CDH15: variants seen among roughly 807,000 people sequenced by gnomAD.
The protein encoded by CDH15 is cadherin 15.
A neutral mutation model predicts 69.4 loss-of-function variants in CDH15; 73 were observed. The ratio of observed to expected loss-of-function variants is 1.05; its 90% confidence interval spans 0.87 to 1.28. The LOEUF (loss-of-function observed/expected upper bound fraction) is 1.28, where lower values mean the gene tolerates loss of function less well. Ranked by LOEUF, CDH15 falls within the 50% of genes most tolerant of loss-of-function variation. The pLI is 0.00. For missense variants in CDH15, 1,343 were observed against 1,133.6 expected (o/e 1.18, Z -2.65); for synonymous variants, 624 against 507.7 (o/e 1.23, Z -3.08).
chr16:89,191,183 G>A, intron 8 of CDH15, 147 bp from the exon 9 acceptor site: 1 of 864,768 alleles, frequency 1.2e-6, no homozygotes. Context: ...GTGTGTGCGT[G>A]TGTATATGTT....
chr16:89,176,616 G>GA (rs1915261776), intron 1 of CDH15, among the ~76,000 whole-genome samples: 1 of 149,556 alleles, frequency 6.7e-6, no homozygotes, highest in Non-Finnish European at 1.5e-5. Flanking sequence ...GTAGGCACAG[G>GA]ACTTGGTGCC....
Position 89,191,638 on chromosome 16 carries a change from G to A in CDH15, c.1376-17G>A, listed in dbSNP as rs1330797153. On this transcript the variant is annotated splice_polypyrimidine_tract_variant and intron_variant, in intron 9 of 13. Coordinates refer to ENST00000289746, the MANE Select transcript of CDH15 (RefSeq NM_004933.3). ...TGGGGTGTTGGGGTCACTAAGCCGCGGCCTCCTCGCCTGCAGCCTCCCAGC... is the reference window on the plus strand; with the variant it reads ...TGGGGTGTTGGGGTCACTAAGCCGCAGCCTCCTCGCCTGCAGCCTCCCAGC... 1.7e-5 allele frequency: 26 copies of A among 1,574,390 alleles called. No individual in the cohort carries two copies. In the African/African-American group the frequency reaches 2.2e-4, roughly 13 times the overall value.
chr16:89,185,480 T>A, intron 5 of CDH15, 147 bp downstream of exon 5: 1 of 937,444 alleles, frequency 1.1e-6, no homozygotes. Context: ...CCTGAGGAGA[T>A]GGCATGGGGT....
In CDH15 at chr16:89,193,565, G is replaced by C; in HGVS notation, c.1951G>C (p.Val651Leu). The C allele has an allele frequency of 1.2e-6, 2 of 1,610,260 alleles. No homozygotes were observed. The highest frequency in any genetic ancestry group is 4.5e-5 in the East Asian group (2 of 44,744). Residue 651 changes from valine (V) to leucine (L), a missense_variant, in exon 12 of 14, where the codon GTC becomes CTC. By Grantham distance (32) the Val-to-Leu change is conservative. Coordinates refer to ENST00000289746, the MANE Select transcript of CDH15 (RefSeq NM_004933.3). ...CCCCCAGGACGACCTTCGAGACAAT[G>C]TCCTCAACTACGATGAGCAAGGAGG... is the stretch of plus-strand genomic sequence containing the variant. ...HGPQDDLRDN[V>L]LNYDEQGGGE...
Position 89,190,280 on chromosome 16 carries a change from A to C in CDH15, c.1016A>C (p.Lys339Thr). 1 of 1,612,762 alleles carries C rather than the reference A, an allele frequency of 6.2e-7. No individual in the cohort carries two copies. The highest frequency in any genetic ancestry group is 8.5e-7 in the Non-Finnish European group (1 of 1,179,910). The change falls in exon 8 of 14, where the codon AAA becomes ACA. Residue 339 changes from lysine to threonine, a missense_variant. Transcript: ENST00000289746. ...DYESCEHYELKVSVQNEAPLQ... is the reference protein window; with the variant it reads ...DYESCEHYELTVSVQNEAPLQ... The stretch of plus-strand genomic sequence containing the variant: ...GAGAGCTGTGAACACTACGAACTCA[A>C]AGTGTCGGTGCAGAATGAGGCCCCG...
At position 89,183,602 on chromosome 16, in the gene CDH15, C is replaced by G; in HGVS notation, c.412C>G (p.Leu138Val). ...GGSTLEDPTD[L>V]EIVVVDQNDN... ...ATCCACCCTGGAGGACCCCACGGAC[C>G]TGGAGATTGTAGTTGTGGATCAGAA... is the stretch of plus-strand genomic sequence containing the variant. The change falls in exon 4 of 14, where the codon CTG becomes GTG. Residue 138 changes from leucine to valine, a missense_variant. Physicochemically the swap from Leu to Val is conservative, Grantham distance 32. Transcript: ENST00000289746. 1.9e-6 allele frequency: 3 copies of G among 1,614,162 alleles called. No homozygotes were observed. Among genetic ancestry groups the G allele is most frequent in the Non-Finnish European group, 2.5e-6 (3 of 1,180,026 alleles).
At chr16:89,178,857 C>G (rs71395390) in intron 1 of CDH15, among the ~76,000 whole-genome samples, 1 of 152,104 alleles carries the variant, frequency 6.6e-6, no homozygotes, top group Non-Finnish European at 1.5e-5. Flanking sequence ...CCCTGCCGCT[C>G]CCCCGGACCC....
intron 6 of CDH15, 105 bp downstream of exon 6, chr16:89,187,662 G>A: frequency 6.6e-7 from 1 of 1,504,340 alleles, no homozygotes; most frequent in Non-Finnish European, 9.1e-7. Context: ...CAGGAGGATG[G>A]TGTGCTTTGG....
In CDH15 at chr16:89,187,571, C is replaced by A. The variant is rs1385998026; in HGVS notation, c.792+14C>A. 1 of 1,613,120 alleles carries A rather than the reference C, an allele frequency of 6.2e-7. No individual in the cohort carries two copies. The highest frequency in any genetic ancestry group is 1.7e-5 in the Admixed American group (1 of 60,002). ...ACCAGGGATGAGGTGCTGCTGCTGT[C>A]CCTCCCTCGAAAGTAGCCCCTGCTT... On this transcript the variant is annotated intron_variant, in intron 6 of 13. Coordinates refer to ENST00000289746, the MANE Select transcript of CDH15 (RefSeq NM_004933.3).
At position 89,194,913 on chromosome 16, in the gene CDH15, C is replaced by G; in HGVS notation, c.2203C>G (p.Leu735Val). 1 of 1,608,272 alleles carries G rather than the reference C, an allele frequency of 6.2e-7. No homozygotes were observed. The highest frequency in any genetic ancestry group is 1.3e-5 in the African/African-American group (1 of 74,982). ...CAGTGTGCCGCCTTACGACACAGCC[C>G]TCATCTATGACTACGAGGGTGACGG... Reference protein sequence around the residue: ...DPSVPPYDTALIYDYEGDGSV... With the variant: ...DPSVPPYDTAVIYDYEGDGSV... Residue 735 changes from leucine to valine, a missense_variant, in exon 14 of 14, where the codon CTC (leucine) becomes GTC (valine). Leu to Val is a conservative substitution (Grantham distance 32). Transcript: ENST00000289746.
chr16:89,193,426 C>T (rs1275621131), intron 11 of CDH15, 44 bp from the exon 12 acceptor site: 4 of 1,489,746 alleles, frequency 2.7e-6, no homozygotes, highest in South Asian at 1.2e-5. Flanking sequence ...CCCCTGAAGT[C>T]GCGCCCTGTG....
At chr16:89,191,563 C>G in intron 9 of CDH15, 91 bp downstream of exon 9, 1 of 1,584,556 alleles carries the variant, frequency 6.3e-7, no homozygotes, top group Non-Finnish European at 8.5e-7. Context: ...CCCATGTCGC[C>G]CGGGGGCTCA....
chr16:89,193,359 C>CAGCTTACCAGCCT, intron 11 of CDH15, 111 bp from the exon 12 acceptor site: 4 of 633,770 alleles, frequency 6.3e-6, no homozygotes, highest in Non-Finnish European at 7.7e-6. Flanking sequence ...AACCCCACCC[C>CAGCTTACCAGCCT]TGCTTACCAG....
intron 6 of CDH15, 82 bp from the exon 7 acceptor site, chr16:89,188,018 G>C: frequency 2.1e-6 from 2 of 950,272 alleles, no homozygotes; most frequent in South Asian, 2.7e-5. Flanking sequence ...TGGGAGGGGA[G>C]GGTGGGCTGA....
Position 89,193,789 on chromosome 16 carries a change from CA to C in CDH15, c.2028del (p.Ala677ArgfsTer2). The C allele has an allele frequency of 1.2e-6, 2 of 1,606,350 alleles. No homozygotes were observed. The highest frequency in any genetic ancestry group is 1.7e-6 in the Non-Finnish European group (2 of 1,179,258). On this transcript the variant is annotated frameshift_variant, in exon 13 of 14. Coordinates refer to ENST00000289746, the MANE Select transcript of CDH15 (RefSeq NM_004933.3). LOFTEE classifies it high-confidence loss of function. ...GACATCAGCCAGCTGCGTCACCCGA[CA>C]GCGCTGAGCCTGCCTCTGGGACCGC... ...AYDISQLRHP[T>X]ALSLPLGPPP...
At chr16:89,172,952 C>T (rs1009837055) in intron 1 of CDH15, among the ~76,000 whole-genome samples, 3 of 152,156 alleles carry the variant, frequency 2.0e-5, no homozygotes, top group Non-Finnish European at 4.4e-5. Flanking sequence ...ACTCCTTTCC[C>T]AGCCCCCACT....
At chr16:89,188,024 G>A (rs1915528256) in intron 6 of CDH15, 76 bp from the exon 7 acceptor site, 2 of 1,309,342 alleles carry the variant, frequency 1.5e-6, no homozygotes, top group Admixed American at 2.0e-5. Flanking sequence ...GGGAGGGTGG[G>A]CTGAGGGCCC....
intron 11 of CDH15, 44 bp from the exon 12 acceptor site, chr16:89,193,426 C>A (rs1275621131): frequency 6.7e-7 from 1 of 1,489,740 alleles, no homozygotes; most frequent in South Asian, 1.2e-5. Context: ...CCCCTGAAGT[C>A]GCGCCCTGTG....
At position 89,193,845 on chromosome 16, in the gene CDH15, C is replaced by T. The variant is rs773943777; in HGVS notation, c.2083C>T (p.Arg695Cys). ...ACTTCGCAGAGATGCCCCGCAGGGCCGCCTGCACCCCCAGCCACCCCGAGT... is the reference window on the plus strand; with the variant it reads ...ACTTCGCAGAGATGCCCCGCAGGGCTGCCTGCACCCCCAGCCACCCCGAGT... ...PPLRRDAPQGRLHPQPPRVLP... is the reference protein window; with the variant it reads ...PPLRRDAPQGCLHPQPPRVLP... The change falls in exon 13 of 14, where the codon CGC (arginine) becomes TGC (cysteine). Residue 695 changes from arginine (R) to cysteine (C), a missense_variant. Transcript: ENST00000289746. The T allele has an allele frequency of 3.1e-6, 5 of 1,611,502 alleles. No individual in the cohort carries two copies. The highest frequency in any genetic ancestry group is 2.2e-5 in the East Asian group (1 of 44,856).
Sources: gnomAD v4.1 joint callset for allele counts (sites outside exome capture counted in the v4.1 genomes callset) on GRCh38, gnomAD v4.1.1 for gene constraint, MANE v1.5 for transcripts, NCBI Gene and HGNC (gene_info 2026-07-23, HGNC 2026-07-21) for gene names.